LTBP4: variants seen among roughly 807,000 people sequenced by gnomAD.
LTBP4 encodes latent-transforming growth factor beta-binding protein 4.
Under a neutral mutation model 180.2 loss-of-function variants are expected in LTBP4, and 93 were observed. That is an observed-to-expected ratio of 0.52 (90% CI 0.44 to 0.61). The LOEUF (loss-of-function observed/expected upper bound fraction) is 0.61. Among genes scored for constraint, LTBP4 ranks in the 20% least tolerant of loss-of-function variants. LTBP4 has a pLI of 0.00. For missense variants in LTBP4, 2,116 were observed against 2,256.5 expected (o/e 0.94, Z 1.26); for synonymous variants, 947 against 934.5 (o/e 1.01, Z -0.24).
upstream of LTBP4, chr19:40,597,139 C>CGGGCGGGGGCGG (rs933571249): frequency 3.4e-5 from 36 of 1,047,480 alleles, no homozygotes; most frequent in Middle Eastern, 6.9e-4. Context: ...GAGTCGGCCT[C>CGGGCGGGGGCGG]GGGCGGGGGC....
chr19:40,593,423 T>C (rs1222354371), intron 1 of LTBP4, among the ~76,000 whole-genome samples: 3 of 152,094 alleles, frequency 2.0e-5, no homozygotes, highest in Admixed American at 2.0e-4. Context: ...TTAAGTTTTT[T>C]TGTAGAGACA....
At position 40,619,489 on chromosome 19, in the gene LTBP4, TG is replaced by T; in HGVS notation, c.3214del (p.Ala1072LeufsTer63). On this transcript the variant is annotated frameshift_variant, in exon 22 of 30. Coordinates refer to ENST00000396819, the MANE Select transcript of LTBP4 (RefSeq NM_001042545.2). LOFTEE classifies it high-confidence loss of function. Reference protein sequence around the residue: ...TGRCVPPRTSAGTFPGSQPQA... With the variant: ...TGRCVPPRTSXGTFPGSQPQA... ...GACGCTGTGTTCCCCCACGAACTTC[TG>T]CTGGTGAGACTGATGTGTCTATTTA... is the stretch of plus-strand genomic sequence containing the variant. 1 of 1,609,684 alleles carries T rather than the reference TG, an allele frequency of 6.2e-7. No homozygotes were observed. The highest frequency in any genetic ancestry group is 8.5e-7 in the Non-Finnish European group (1 of 1,177,034).
rs73544983 is a variant in LTBP4 at position 40,613,835 on chromosome 19, C to A, written c.2558-81C>A. 2 of 1,590,518 alleles carry A rather than the reference C, an allele frequency of 1.3e-6. No homozygotes were observed. On this transcript the variant is annotated intron_variant, in intron 17 of 29. Transcript: ENST00000396819. The surrounding 1 kb of genome is among the most constrained non-coding windows in gnomAD (Gnocchi z 5.0). ...GAAGGCGTGAGAGGCCTAGGAGAGCCGAGGGGCGGTGGAGGGGTGTGGCCT... is the reference window on the plus strand; with the variant it reads ...GAAGGCGTGAGAGGCCTAGGAGAGCAGAGGGGCGGTGGAGGGGTGTGGCCT...
rs779729731 is a variant in LTBP4, at chr19:40,609,721, T to C, written c.1559-25T>C. ...CGGGGGGCTTTGCCTGGTCACCTTG[T>C]CACCAGCCCCCTCCGTGTCCTCAGA... On this transcript the variant is annotated intron_variant, in intron 10 of 29. Transcript: ENST00000396819. This position sits in a 1 kb window ranked among gnomAD's most constrained non-coding sequence, Gnocchi z 4.9. The C allele has an allele frequency of 5.0e-5, 80 of 1,611,246 alleles. 1 individual carries two copies. The highest frequency in any genetic ancestry group is 6.5e-5 in the Non-Finnish European group (76 of 1,178,288).
rs2081592193 is a variant in LTBP4, at chr19:40,622,408, C to A, written c.3225C>A (p.Phe1075Leu). Residue 1075 changes from phenylalanine to leucine, a missense_variant, in exon 23 of 30, where the codon TTC becomes TTA. By Grantham distance (22) the Phe-to-Leu change is conservative (BLOSUM62 0). This residue lies in a region of LTBP4 where 278 missense variants were observed against 373.0 expected (regional missense o/e 0.75). Coordinates refer to ENST00000396819, the MANE Select transcript of LTBP4 (RefSeq NM_001042545.2). The surrounding 1 kb of genome is among the most constrained non-coding windows in gnomAD (Gnocchi z 5.1). ...CVPPRTSAGT[F>L]PGSQPQAPAS... ...AGCTCCTTGTCTCCCCAGGCACGTT[C>A]CCAGGCTCGCAGCCCCAGGCACCTG... is the stretch of plus-strand genomic sequence containing the variant. 1 of 1,536,394 alleles carries A rather than the reference C, an allele frequency of 6.5e-7. No individual in the cohort carries two copies. Among genetic ancestry groups the A allele is most frequent in the Middle Eastern group, 1.7e-4 (1 of 5,808 alleles).
At position 40,605,190 on chromosome 19, in the gene LTBP4, A is replaced by C; in HGVS notation, c.406A>C (p.Thr136Pro). 1.9e-6 allele frequency: 3 copies of C among 1,606,078 alleles called. No homozygotes were observed. Among genetic ancestry groups the C allele is most frequent in the Non-Finnish European group, 2.5e-6 (3 of 1,176,600 alleles). ...AVPGLTRSVY[T>P]MPLANHRDDE... ...ACCAGGCCTCACCCGCTCCGTGTAC[A>C]CTATGCCACTGGCCAACCACCGCGA... The change falls in exon 2 of 30, where the codon ACT (threonine) becomes CCT (proline). Residue 136 changes from threonine to proline, a missense_variant. By Grantham distance (38) the Thr-to-Pro change is conservative. Coordinates refer to ENST00000396819, the MANE Select transcript of LTBP4 (RefSeq NM_001042545.2). This position sits in a 1 kb window ranked among gnomAD's most constrained non-coding sequence, Gnocchi z 5.5.
intron 11 of LTBP4, 131 bp downstream of exon 11, chr19:40,610,002 T>C (rs2081493313): frequency 1.5e-6 from 2 of 1,296,834 alleles, no homozygotes; most frequent in South Asian, 1.6e-5. Flanking sequence ...CCCTGGCCCT[T>C]GGCCCTGCCC....
rs764172677 is a variant in LTBP4 at position 40,627,717 on chromosome 19, A to C, written c.4379A>C (p.Glu1460Ala). ...EGGSYAGSLA[E>A]PYEELEAEEC... ...GCATTTCCCACAGGTTCCCTGGCTG[A>C]GCCCTACGAGGAGCTGGAGGCGGAG... Residue 1460 changes from glutamate (E) to alanine (A), a missense_variant, in exon 29 of 30, where the codon GAG becomes GCG. Glu to Ala is a moderately radical substitution (Grantham distance 107). Transcript: ENST00000396819. 3.4e-5 allele frequency: 54 copies of C among 1,595,536 alleles called. No homozygotes were observed. Among genetic ancestry groups the C allele is most frequent in the Non-Finnish European group, 4.0e-5 (47 of 1,172,412 alleles).
chr19:40,629,580 G>A lies in LTBP4; in HGVS notation c.*30G>A. On this transcript the variant is annotated 3_prime_UTR_variant, in exon 30 of 30. Transcript: ENST00000396819. This position sits in a 1 kb window ranked among gnomAD's most constrained non-coding sequence, Gnocchi z 4.5. ...TGGCACCCGCTGGCCGCCCACCCGC[G>A]CCCGCCACTCGGGGCCCCTGCCGCG... 5 of 1,351,322 alleles carry A rather than the reference G, an allele frequency of 3.7e-6. No individual in the cohort carries two copies. Among genetic ancestry groups the A allele is most frequent in the Non-Finnish European group, 3.8e-6 (4 of 1,055,068 alleles). The allele number at this position is 1,351,322 out of a possible 1,614,324, so 83.7% of individuals were successfully genotyped here. A position where few individuals can be genotyped will look rare whatever the true frequency, so the allele number is the denominator to read the frequency against.
At chr19:40,627,609 C>G in intron 28 of LTBP4, 96 bp from the exon 29 acceptor site, 1 of 1,479,908 alleles carries the variant, frequency 6.8e-7, no homozygotes, top group Non-Finnish European at 9.1e-7. Context: ...GGACAGTTTA[C>G]AGCGAGAAAG....
rs1382829108 is a variant in LTBP4, at chr19:40,609,836, G to A, written c.1649G>A (p.Gly550Asp). The change falls in exon 11 of 30, where the codon GGC (glycine) becomes GAC (aspartate). Residue 550 changes from glycine to aspartate, a missense_variant. Coordinates refer to ENST00000396819, the MANE Select transcript of LTBP4 (RefSeq NM_001042545.2). This position sits in a 1 kb window ranked among gnomAD's most constrained non-coding sequence, Gnocchi z 4.9. Reference protein sequence around the residue: ...PGSFRCVCGPGFRAGPRAAEC... With the variant: ...PGSFRCVCGPDFRAGPRAAEC... Reference sequence around the variant, plus strand: ...AGCTTCCGCTGCGTGTGCGGCCCGGGCTTCCGAGCCGGCCCACGGGCTGCG... The same window carrying A: ...AGCTTCCGCTGCGTGTGCGGCCCGGACTTCCGAGCCGGCCCACGGGCTGCG... 2 of 1,598,800 alleles carry A rather than the reference G, an allele frequency of 1.3e-6. No homozygotes were observed. The highest frequency in any genetic ancestry group is 1.3e-5 in the African/African-American group (1 of 74,704).
rs7367 is a variant in LTBP4 at position 40,623,937 on chromosome 19, C to T, written c.3687C>T (p.Asp1229=). 665,854 of 1,613,160 alleles carry T rather than the reference C, an allele frequency of 0.41. 144,548 individuals carry two copies. Among genetic ancestry groups the T allele is most frequent in the African/African-American group, 0.75 (56,343 of 74,974 alleles). The change falls in exon 26 of 30, where the codon GAC becomes GAT. Residue 1229 remains aspartate, a splice_region_variant and synonymous_variant. Transcript: ENST00000396819. Reference sequence around the variant, plus strand: ...GCCTCTTAATCATCCTCTCCCTAGACAATGACGAGTGCGCCGATGAGGAAC... The same window carrying T: ...GCCTCTTAATCATCCTCTCCCTAGATAATGACGAGTGCGCCGATGAGGAAC... ...YYHTQRLECI[D]NDECADEEPA...
intron 26 of LTBP4, 139 bp downstream of exon 26, chr19:40,624,221 T>A (rs1236664600): frequency 1.8e-6 from 2 of 1,081,430 alleles, no homozygotes; most frequent in Non-Finnish European, 2.5e-6. Flanking sequence ...CACTGAGCCC[T>A]CACTCAGTCT....
In LTBP4 at chr19:40,622,516, T is replaced by C. The variant is rs2146043913; in HGVS notation, c.3333T>C (p.Ser1111=). The C allele has an allele frequency of 6.2e-7, 1 of 1,612,990 alleles. No homozygotes were observed. Residue 1111 remains serine (S), a synonymous_variant, in exon 23 of 30, where the codon AGT becomes AGC. Transcript: ENST00000396819. This position sits in a 1 kb window ranked among gnomAD's most constrained non-coding sequence, Gnocchi z 5.1. ...CACCTAGGCAGGGCCCTGTGGGGAG[T>C]GGGCGCCGGGAGTGCTACTTTGACA... ...PSTPRQGPVG[S]GRRECYFDTA... is the part of the protein sequence containing the mutation.
rs747217079 is a variant in LTBP4, at chr19:40,619,349, G to A, written c.3073G>A (p.Val1025Met). The A allele has an allele frequency of 1.2e-6, 2 of 1,613,530 alleles. No individual in the cohort carries two copies. The highest frequency in any genetic ancestry group is 1.7e-6 in the Non-Finnish European group (2 of 1,179,562). ...CCCCTGTTGTCTCCTGCTTACAGATGTGAACGAGTGTGAAACACTACAGGG... is the reference window on the plus strand; with the variant it reads ...CCCCTGTTGTCTCCTGCTTACAGATATGAACGAGTGTGAAACACTACAGGG... ...GARDGRHCVD[V>M]NECETLQGVC... is the part of the protein sequence containing the mutation. The change falls in exon 22 of 30, where the codon GTG (valine) becomes ATG (methionine). Residue 1025 changes from valine to methionine, a missense_variant and splice_region_variant. Around this residue, in one of 5 missense-constraint regions of LTBP4, gnomAD observed 278 missense variants for 373.0 expected, o/e 0.75. Coordinates refer to ENST00000396819, the MANE Select transcript of LTBP4 (RefSeq NM_001042545.2).
intron 21 of LTBP4, among the ~76,000 whole-genome samples, chr19:40,618,952 T>C (rs1157688944): frequency 6.6e-6 from 1 of 152,188 alleles, no homozygotes; most frequent in Non-Finnish European, 1.5e-5. Flanking sequence ...CCCTAGAACC[T>C]CTGGGCTAAC....
rs568821430 is a variant in LTBP4, at chr19:40,610,054, C to T, written c.1684+183C>T. On this transcript the variant is annotated intron_variant, in intron 11 of 29. Coordinates refer to ENST00000396819, the MANE Select transcript of LTBP4 (RefSeq NM_001042545.2). Reference sequence around the variant, plus strand: ...CACCCAGCTCCAGCCTCCCTTTGACCCCACCCCTACCCAGCTCCCAAACTG... The same window carrying T: ...CACCCAGCTCCAGCCTCCCTTTGACTCCACCCCTACCCAGCTCCCAAACTG... 49 of 765,870 alleles carry T rather than the reference C, an allele frequency of 6.4e-5. No individual in the cohort carries two copies. In the African/African-American group the frequency reaches 7.6e-4, roughly 12 times the overall value. The allele number at this position is 765,870 out of a possible 1,614,324, so 47.4% of individuals were successfully genotyped here.
In LTBP4 at chr19:40,605,949, T is replaced by G. The variant is rs1599861695; in HGVS notation, c.793+118T>G. The G allele has an allele frequency of 2.6e-6, 3 of 1,147,562 alleles. No homozygotes were observed. Among genetic ancestry groups the G allele is most frequent in the African/African-American group, 1.5e-5 (1 of 64,774 alleles). 71.1% of individuals were successfully genotyped at this position (1,147,562 alleles called of 1,614,324 possible). A position where few individuals can be genotyped will look rare whatever the true frequency, so the allele number is the denominator to read the frequency against. ...CAAATTGTAGCCACGCCTACCCCAT[T>G]GTGGAGGCGACTTCCAGTCCTGAGC... is the stretch of plus-strand genomic sequence containing the variant. On this transcript the variant is annotated intron_variant, in intron 4 of 29. Transcript: ENST00000396819. This position sits in a 1 kb window ranked among gnomAD's most constrained non-coding sequence, Gnocchi z 5.5.
intron 1 of LTBP4, among the ~76,000 whole-genome samples, chr19:40,603,780 GGAGA>G (rs993716345): frequency 8.5e-5 from 13 of 152,232 alleles, no homozygotes; most frequent in Non-Finnish European, 1.9e-4. Flanking sequence ...TGCAGCCCCG[GGAGA>G]GAGAGGGAGG....
Sources: allele counts gnomAD v4.1 joint callset (sites outside exome capture counted in the v4.1 genomes callset), GRCh38; gene constraint gnomAD v4.1.1; regional missense constraint gnomAD v4.1.1; non-coding constraint Gnocchi (gnomAD v3.1); transcripts MANE v1.5; gene names NCBI Gene and HGNC (gene_info 2026-07-23, HGNC 2026-07-21).